IL1RL2: variants seen among roughly 807,000 people sequenced by gnomAD.
The protein encoded by IL1RL2 is interleukin 1 receptor like 2.
Under a neutral mutation model 66.8 loss-of-function variants are expected in IL1RL2, and 68 were observed. The observed-to-expected ratio is 1.02, with a 90% CI of 0.84 to 1.25. IL1RL2 has a LOEUF of 1.25. Ranked by LOEUF, IL1RL2 falls within the 50% of genes most tolerant of loss-of-function variation. IL1RL2 has a pLI of 0.00. For synonymous variants in IL1RL2, 305 were observed against 264.6 expected (o/e 1.15, Z -1.48); for missense variants, 729 against 709.3 (o/e 1.03, Z -0.32).
At chr2:102,233,217 C>A in intron 10 of IL1RL2, 93 bp downstream of exon 10, 2 of 1,232,160 alleles carry the variant, frequency 1.6e-6, no homozygotes, top group Non-Finnish European at 2.3e-6. Context: ...ACTCTGCCTG[C>A]CTTCCCCATG....
chr2:102,205,200 A>G (rs1008175627), intron 5 of IL1RL2, among the ~76,000 whole-genome samples: 2 of 152,086 alleles, frequency 1.3e-5, no homozygotes, highest in Non-Finnish European at 2.9e-5. Flanking sequence ...TTCTATTTAT[A>G]TCTTGTACTC....
At chr2:102,228,521 C>T (rs1690834517) in intron 9 of IL1RL2, among the ~76,000 whole-genome samples, 1 of 152,294 alleles carries the variant, frequency 6.6e-6, no homozygotes, top group East Asian at 1.9e-4. Flanking sequence ...TACAAATTCT[C>T]CTGGCAGGGG....
chr2:102,191,020 A>G (rs942879431), intron 3 of IL1RL2, among the ~76,000 whole-genome samples: 1 of 152,198 alleles, frequency 6.6e-6, no homozygotes, highest in Non-Finnish European at 1.5e-5. Flanking sequence ...CAGGAATAGT[A>G]TCAAGAACTT....
intron 5 of IL1RL2, among the ~76,000 whole-genome samples, chr2:102,209,054 T>C (rs1166581719): frequency 6.6e-6 from 1 of 152,182 alleles, no homozygotes; most frequent in Non-Finnish European, 1.5e-5. Flanking sequence ...TAATGTTACA[T>C]TGGTAACTGA....
chr2:102,187,530 G>T (rs1165970477), intron 1 of IL1RL2, among the ~76,000 whole-genome samples: 1 of 152,194 alleles, frequency 6.6e-6, no homozygotes, highest in Non-Finnish European at 1.5e-5. Context: ...CCTCACGGGG[G>T]CTCTGGACAC....
intron 5 of IL1RL2, among the ~76,000 whole-genome samples, chr2:102,202,782 G>A (rs1688376076): frequency 6.6e-6 from 1 of 152,156 alleles, no homozygotes; most frequent in Non-Finnish European, 1.5e-5. Flanking sequence ...TTTTCTTGTG[G>A]AGTCTTTAGG....
Position 102,187,925 on chromosome 2 carries a change from G to A in IL1RL2, c.58G>A (p.Asp20Asn), listed in dbSNP as rs199729456. Residue 20 changes from aspartate to asparagine, a missense_variant and splice_region_variant, in exon 2 of 12, where the codon GAT becomes AAT. By Grantham distance (23) the Asp-to-Asn change is conservative. Transcript: ENST00000264257. ...CGCCCTTCCACTGTCTGTCACAGCA[G>A]GTACGTTCCGTGTGTCCTCCGTTCC... is the stretch of plus-strand genomic sequence containing the variant. ...SIALPLSVTA[D>N]GCKDIFMKNE... is the part of the protein sequence containing the mutation. 6.2e-7 allele frequency: 1 copy of A among 1,613,984 alleles called. No individual in the cohort carries two copies. Among genetic ancestry groups the A allele is most frequent in the South Asian group, 1.1e-5 (1 of 91,090 alleles).
At chr2:102,219,844 G>T in intron 7 of IL1RL2, 37 bp from the exon 8 acceptor site, 2 of 1,560,068 alleles carry the variant, frequency 1.3e-6, no homozygotes, top group South Asian at 2.3e-5. Flanking sequence ...GGGTAAATCT[G>T]ACTCATGTAT....
intron 6 of IL1RL2, 134 bp downstream of exon 6, chr2:102,212,308 G>A (rs1922290): frequency 8.1e-6 from 5 of 617,124 alleles, no homozygotes; most frequent in African/African-American, 5.5e-5. Flanking sequence ...TTGGATATAC[G>A]TGAGCTCATG....
At chr2:102,224,594 G>C (rs868134278) in intron 8 of IL1RL2, among the ~76,000 whole-genome samples, 1 of 152,198 alleles carries the variant, frequency 6.6e-6, no homozygotes, top group Non-Finnish European at 1.5e-5. Flanking sequence ...GGGATAAAGA[G>C]AGGTTGGTTA....
chr2:102,200,259 G>T (rs1397100899), intron 4 of IL1RL2, among the ~76,000 whole-genome samples: 1 of 151,990 alleles, frequency 6.6e-6, no homozygotes, highest in Admixed American at 6.6e-5. Context: ...ATTATGAGTT[G>T]GTTTCCCATA....
At chr2:102,195,559 C>CTT (rs1481634028) in intron 4 of IL1RL2, among the ~76,000 whole-genome samples, 626 of 43,668 alleles carry the variant, frequency 0.014, 135 homozygotes, top group Admixed American at 0.025. Flanking sequence ...TTCTTTCTTT[C>CTT]TCTTTCTTTC....
chr2:102,219,063 C>T lies in IL1RL2; in HGVS notation c.835C>T (p.Arg279Ter), dbSNP rs774693759. The T allele has an allele frequency of 1.6e-5, 26 of 1,613,788 alleles. 1 individual carries two copies. Among genetic ancestry groups the T allele is most frequent in the South Asian group, 9.9e-5 (9 of 91,082 alleles). Residue 279 changes from arginine to a stop codon, truncating the protein, a stop_gained, in exon 7 of 12, where the codon CGA (arginine) becomes TGA (stop). Transcript: ENST00000264257. LOFTEE classifies it high-confidence loss of function. ...GGATGATTACTATGATGAATCCAAA[C>T]GAATCAGAGAAGGGGTGGAGTAGGT... ...LVDDYYDESK[R>*]IREGVETHVS...
intron 9 of IL1RL2, among the ~76,000 whole-genome samples, chr2:102,231,566 T>TC (rs1691136569): frequency 6.6e-6 from 1 of 151,376 alleles, no homozygotes; most frequent in African/African-American, 2.4e-5. Context: ...CATTGTGAGT[T>TC]TTTTTTTTCA....
rs75091099 is a variant in IL1RL2 at position 102,235,010 on chromosome 2, G to T, written c.1411G>T (p.Ala471Ser). 2 of 1,614,118 alleles carry T rather than the reference G, an allele frequency of 1.2e-6. No homozygotes were observed. The highest frequency in any genetic ancestry group is 4.5e-5 in the East Asian group (2 of 44,866). ...GAAGAACCTGTCAGAAGAACAAATC[G>T]CGGTCTACAGTGCCCTGATCCAGGA... is the stretch of plus-strand genomic sequence containing the variant. ...LLKNLSEEQI[A>S]VYSALIQDGM... The change falls in exon 11 of 12, where the codon GCG becomes TCG. Residue 471 changes from alanine to serine, a missense_variant. By Grantham distance (99) the Ala-to-Ser change is moderately conservative. Coordinates refer to ENST00000264257, the MANE Select transcript of IL1RL2 (RefSeq NM_003854.4).
chr2:102,223,724 T>C (rs1690349295), intron 8 of IL1RL2, among the ~76,000 whole-genome samples: 1 of 152,214 alleles, frequency 6.6e-6, no homozygotes, highest in Non-Finnish European at 1.5e-5. Flanking sequence ...CATGGTCTTC[T>C]TATCAGGACA....
intron 8 of IL1RL2, among the ~76,000 whole-genome samples, chr2:102,222,933 G>A (rs938399333): frequency 1.3e-5 from 2 of 152,134 alleles, no homozygotes; most frequent in African/African-American, 2.4e-5. Context: ...ATAGACTGAA[G>A]CTGACCAATA....
At chr2:102,196,545 T>A (rs1687800940) in intron 4 of IL1RL2, among the ~76,000 whole-genome samples, 1 of 152,148 alleles carries the variant, frequency 6.6e-6, no homozygotes, top group Non-Finnish European at 1.5e-5. Flanking sequence ...TTCAAAGAAG[T>A]TACAATTTAT....
At chr2:102,200,116 GCAAAAAAAA>G (rs1688129119) in intron 4 of IL1RL2, among the ~76,000 whole-genome samples, 1 of 52,920 alleles carries the variant, frequency 1.9e-5, no homozygotes, top group Non-Finnish European at 4.0e-5. Context: ...CCCTGTTCCA[GCAAAAAAAA>G]AAAAAAAAAA....
Sources: gnomAD v4.1 joint callset for allele counts (sites outside exome capture counted in the v4.1 genomes callset) on GRCh38, gnomAD v4.1.1 for gene constraint, MANE v1.5 for transcripts, NCBI Gene and HGNC (gene_info 2026-07-23, HGNC 2026-07-21) for gene names.